The following PLAGL1 variants were observed in gnomAD, a reference collection of about 807,000 sequenced individuals.
PLAGL1 encodes the protein PLAG1 like zinc finger 1, also known as zinc finger protein PLAGL1.
PLAGL1 carries 1 observed loss-of-function variant against 4.6 expected under a neutral mutation model. The ratio of observed to expected loss-of-function variants is 0.22; its 90% CI spans 0.08 to 1.03. The LOEUF is 1.03. Among genes scored for constraint, PLAGL1 ranks in the 50% least tolerant of loss-of-function variants. PLAGL1 has a pLI of 0.58. For synonymous variants in PLAGL1, 240 were observed against 237.8 expected, an observed-to-expected ratio of 1.01 and a Z score of -0.08; for missense variants, 464 against 570.4, an observed-to-expected ratio of 0.81 and a Z score of 1.90.
At chr6:144,010,303 C>T (rs1429758883), upstream of PLAGL1, among the ~76,000 whole-genome samples, 3 of 152,112 alleles carry the variant, frequency 2.0e-5, no homozygotes, top group African/African-American at 7.2e-5. The surrounding 1 kb of genome is among the most constrained non-coding windows in gnomAD (Gnocchi z 4.1). Context: ...TCCTATACCC[C>T]AATAGTAGAC....
intron 1 of PLAGL1, among the ~76,000 whole-genome samples, chr6:144,058,844 A>G (rs1799182137): frequency 6.6e-6 from 1 of 152,050 alleles, no homozygotes; most frequent in Non-Finnish European, 1.5e-5. Context: ...GTAGCTTTGC[A>G]TGGTACAGCC....
rs907817854 is a variant in PLAGL1 at position 143,982,162 on chromosome 6, T to TA, written c.-544+2972dup. 4.0e-5 allele frequency among the ~76,000 whole-genome samples: 6 copies of TA among 149,168 alleles called. No homozygotes were observed. The highest frequency in any genetic ancestry group is 3.9e-4 in the East Asian group (2 of 5,136). The stretch of plus-strand genomic sequence containing the variant: ...TAAAATATGTATCAGATGGTGATTT[T>TA]AAAAAAAAAAGTAATGAAGAGACAG... On this transcript the variant is annotated intron_variant, in intron 2 of 7. Coordinates refer to ENST00000674357, the MANE Select transcript of PLAGL1 (RefSeq NM_001317162.2). This position sits in a 1 kb window ranked among gnomAD's most constrained non-coding sequence, Gnocchi z 5.3.
intron 2 of PLAGL1, among the ~76,000 whole-genome samples, chr6:143,981,502 T>C (rs752187989): frequency 2.0e-5 from 3 of 152,120 alleles, no homozygotes; most frequent in Non-Finnish European, 4.4e-5. Flanking sequence ...AACTCCATCA[T>C]CTCAACCTAG....
chr6:144,047,742 A>G (rs1267981430), intron 1 of PLAGL1, among the ~76,000 whole-genome samples: 1 of 152,156 alleles, frequency 6.6e-6, no homozygotes, highest in Non-Finnish European at 1.5e-5. Context: ...TCAAGATGAG[A>G]TTTGGGTGGG....
At chr6:144,008,980 A>G (rs1253624892), upstream of PLAGL1, among the ~76,000 whole-genome samples, 1 of 152,244 alleles carries the variant, frequency 6.6e-6, no homozygotes, top group Non-Finnish European at 1.5e-5. This position sits in a 1 kb window ranked among gnomAD's most constrained non-coding sequence, Gnocchi z 6.9. Flanking sequence ...GGAATTTAAG[A>G]AAAATAAACT....
At chr6:144,007,261 A>G (rs1298860024) in intron 1 of PLAGL1, 2 of 152,190 alleles carry the variant, frequency 1.3e-5, no homozygotes, top group African/African-American at 4.8e-5. Context: ...CTCTGAGCCC[A>G]GCGAGACCGG....
In PLAGL1 at chr6:143,997,149, A is replaced by C. The variant is rs1176005510; in HGVS notation, c.-584+10941T>G. Among the ~76,000 whole-genome samples the C allele has an allele frequency of 3.3e-5, 5 of 152,232 alleles. No homozygotes were observed. The highest frequency in any genetic ancestry group is 1.2e-4 in the African/African-American group (5 of 41,460). On this transcript the variant is annotated intron_variant, in intron 1 of 7. Coordinates refer to ENST00000674357, the MANE Select transcript of PLAGL1 (RefSeq NM_001317162.2). The surrounding 1 kb of genome is among the most constrained non-coding windows in gnomAD (Gnocchi z 4.6). ...CAAACCCACCAGAGGGCTTAAAGCG[A>C]AAAAGACTAATATCAAGTGCTGATG...
chr6:144,025,383 G>C (rs2128702318), intron 1 of PLAGL1, among the ~76,000 whole-genome samples: 1 of 152,214 alleles, frequency 6.6e-6, no homozygotes, highest in East Asian at 1.9e-4. Context: ...AAAGGACTTA[G>C]GGGAAAATGA....
At chr6:144,026,944 G>A (rs1477731994) in intron 1 of PLAGL1, among the ~76,000 whole-genome samples, 4 of 152,110 alleles carry the variant, frequency 2.6e-5, no homozygotes, top group Non-Finnish European at 5.9e-5. Flanking sequence ...AGGTGCAGTG[G>A]CTTACACCTG....
chr6:143,991,973 T>C (rs1386699681), intron 1 of PLAGL1, among the ~76,000 whole-genome samples: 1 of 152,226 alleles, frequency 6.6e-6, no homozygotes, highest in Non-Finnish European at 1.5e-5. Flanking sequence ...TGCCATGTTC[T>C]AGAGGTACAG....
chr6:143,948,195 A>G lies in PLAGL1; in HGVS notation c.-59T>C. On this transcript the variant is annotated 5_prime_UTR_variant, in exon 7 of 8. Transcript: ENST00000674357. The surrounding 1 kb of genome is among the most constrained non-coding windows in gnomAD (Gnocchi z 6.0). Reference sequence around the variant, plus strand: ...TGCTGACCAAATGCTGTGCCATTTAAGCACAAACAGAACGATGGTGCTGGG... The same window carrying G: ...TGCTGACCAAATGCTGTGCCATTTAGGCACAAACAGAACGATGGTGCTGGG... The G allele has an allele frequency of 6.6e-7, 1 of 1,517,578 alleles. No homozygotes were observed. Among genetic ancestry groups the G allele is most frequent in the Admixed American group, 1.7e-5 (1 of 59,154 alleles). The allele number at this position is 1,517,578 out of a possible 1,614,324, so 94.0% of individuals were successfully genotyped here.
At chr6:143,943,602 C>CT (rs1779124876) in intron 7 of PLAGL1, among the ~76,000 whole-genome samples, 1 of 152,122 alleles carries the variant, frequency 6.6e-6, no homozygotes, top group South Asian at 2.1e-4. Context: ...CTGCCTGTCT[C>CT]TGTTACTTCA....
rs1443680271 is a variant in PLAGL1 at position 143,966,770 on chromosome 6, CT to C, written c.-471-573del. The stretch of plus-strand genomic sequence containing the variant: ...TAAACATTGATAGAGAAATTATTTT[CT>C]TTTCTAATTTTAATATTTAACACTC... On this transcript the variant is annotated intron_variant, in intron 3 of 7. Coordinates refer to ENST00000674357, the MANE Select transcript of PLAGL1 (RefSeq NM_001317162.2). This position sits in a 1 kb window ranked among gnomAD's most constrained non-coding sequence, Gnocchi z 6.0. 1.3e-5 allele frequency: 2 copies of C among 152,094 alleles called. No individual in the cohort carries two copies. The highest frequency in any genetic ancestry group is 2.9e-5 in the Non-Finnish European group (2 of 68,002). 9.4% of individuals were successfully genotyped at this position (152,094 alleles called of 1,614,324 possible).
intron 1 of PLAGL1, among the ~76,000 whole-genome samples, chr6:144,049,022 C>A (rs1336124796): frequency 6.6e-6 from 1 of 152,206 alleles, no homozygotes; most frequent in Non-Finnish European, 1.5e-5. Flanking sequence ...TTAGAAATTT[C>A]TTTTGCCAGT....
rs1041909361 is a variant in PLAGL1, at chr6:143,982,691, G to A, written c.-544+2444C>T. On this transcript the variant is annotated intron_variant, in intron 2 of 7. Coordinates refer to ENST00000674357, the MANE Select transcript of PLAGL1 (RefSeq NM_001317162.2). This position sits in a 1 kb window ranked among gnomAD's most constrained non-coding sequence, Gnocchi z 5.3. ...CACCTTCTGGATTTATGGAAGGTGG[G>A]GCTGACAGTATCTCCTGACAGCTGA... is the stretch of plus-strand genomic sequence containing the variant. 4.6e-5 allele frequency among the ~76,000 whole-genome samples: 7 copies of A among 152,112 alleles called. No individual in the cohort carries two copies. The highest frequency in any genetic ancestry group is 1.7e-4 in the African/African-American group (7 of 41,426).
intron 1 of PLAGL1, among the ~76,000 whole-genome samples, chr6:144,047,200 G>A (rs1490978792): frequency 6.6e-6 from 1 of 152,172 alleles, no homozygotes; most frequent in Non-Finnish European, 1.5e-5. Flanking sequence ...TCCATGGGCT[G>A]CACCCACTGT....
At chr6:143,944,393 C>T (rs893306431) in intron 7 of PLAGL1, among the ~76,000 whole-genome samples, 3 of 152,036 alleles carry the variant, frequency 2.0e-5, no homozygotes, top group African/African-American at 7.2e-5. Context: ...TAATCTGAAT[C>T]GAACTGTCAT....
At position 144,027,847 on chromosome 6, in the gene PLAGL1, C is replaced by T. The variant is rs1341989335; in HGVS notation, c.-151+36621G>A. Among the ~76,000 whole-genome samples the T allele has an allele frequency of 6.6e-6, 1 of 152,192 alleles. No individual in the cohort carries two copies. The highest frequency in any genetic ancestry group is 1.9e-4 in the East Asian group (1 of 5,202). On this transcript the variant is annotated intron_variant, in intron 1 of 3. Coordinates refer to the PLAGL1 transcript ENST00000437412. This position sits in a 1 kb window ranked among gnomAD's most constrained non-coding sequence, Gnocchi z 5.8. ...TCTTGCAAATATGTGCACAGACTCA[C>T]ATATAAGGTCCTAAAGAAAGGATTT...
At position 143,945,382 on chromosome 6, in the gene PLAGL1, A is replaced by G. The variant is rs2328535; in HGVS notation, c.152+2603T>C. 0.94 allele frequency among the ~76,000 whole-genome samples: 142,414 copies of G among 152,282 alleles called. 66,651 individuals are homozygous for G. The highest frequency in any genetic ancestry group is 1 in the East Asian group (5,167 of 5,178). Reference sequence around the variant, plus strand: ...GCCAAATCATCTTTTCTTGCCTGTTATTGTCTCTAACTGGTTTCATTATAT... The same window carrying G: ...GCCAAATCATCTTTTCTTGCCTGTTGTTGTCTCTAACTGGTTTCATTATAT... On this transcript the variant is annotated intron_variant, in intron 7 of 7. Coordinates refer to ENST00000674357, the MANE Select transcript of PLAGL1 (RefSeq NM_001317162.2). This position sits in a 1 kb window ranked among gnomAD's most constrained non-coding sequence, Gnocchi z 4.2.
Sources: allele counts gnomAD v4.1 joint callset (sites outside exome capture counted in the v4.1 genomes callset), GRCh38; gene constraint gnomAD v4.1.1; non-coding constraint Gnocchi (gnomAD v3.1); transcripts MANE v1.5; gene names NCBI Gene and HGNC (gene_info 2026-07-23, HGNC 2026-07-21).